ANKRD28: variants seen among roughly 807,000 people sequenced by gnomAD.
The protein encoded by ANKRD28 is serine/threonine-protein phosphatase 6 regulatory ankyrin repeat subunit A.
In ANKRD28, 44 loss-of-function variants were observed where a neutral mutation model predicts 126.5. The observed-to-expected ratio is 0.35, with a 90% CI of 0.27 to 0.45. ANKRD28 has a LOEUF of 0.45. Ranked by LOEUF, ANKRD28 falls within the 20% of genes least tolerant of loss-of-function variation. The probability of loss-of-function intolerance (pLI) is 1.00; values close to 1 mark genes in which losing one functional copy is unlikely to be tolerated. For missense variants in ANKRD28, 1,110 were observed against 1,316.6 expected, an observed-to-expected ratio of 0.84 and a Z score of 2.43; for synonymous variants, 442 against 468.5, an observed-to-expected ratio of 0.94 and a Z score of 0.73.
chr3:15,832,134 G>A (rs758845236), intron 1 of ANKRD28, among the ~76,000 whole-genome samples: 1 of 152,158 alleles, frequency 6.6e-6, no homozygotes, highest in Non-Finnish European at 1.5e-5. Context: ...CATTCCAGTA[G>A]AGTGAGACAT....
At chr3:15,827,063 G>C (rs1368489063) in intron 1 of ANKRD28, among the ~76,000 whole-genome samples, 1 of 152,090 alleles carries the variant, frequency 6.6e-6, no homozygotes, top group Non-Finnish European at 1.5e-5. Context: ...AAAACCATGA[G>C]ATATCATCTC....
intron 1 of ANKRD28, among the ~76,000 whole-genome samples, chr3:15,850,018 G>C (rs2061604253): frequency 6.6e-6 from 1 of 151,412 alleles, no homozygotes; most frequent in Admixed American, 6.6e-5. Context: ...AGACAGCATG[G>C]TACTGGCATG....
intron 18 of ANKRD28, 95 bp from the exon 19 acceptor site, chr3:15,686,404 G>C: frequency 2.0e-6 from 2 of 1,010,640 alleles, no homozygotes; most frequent in Non-Finnish European, 2.9e-6. Flanking sequence ...TTACTTTTGG[G>C]ATAGTTGCAC....
chr3:15,694,597 G>A, intron 17 of ANKRD28, 142 bp downstream of exon 17: 11 of 494,624 alleles, frequency 2.2e-5, no homozygotes, highest in South Asian at 5.9e-5. Flanking sequence ...CTGAATTAAA[G>A]AAAGTTCTCA....
At chr3:15,850,262 G>GAGAGAT (rs1179512677) in intron 1 of ANKRD28, among the ~76,000 whole-genome samples, 7 of 135,064 alleles carry the variant, frequency 5.2e-5, no homozygotes, top group African/African-American at 2.0e-4. Flanking sequence ...GAGAGAGAGA[G>GAGAGAT]AAAGTTGAAA....
intron 1 of ANKRD28, among the ~76,000 whole-genome samples, chr3:15,809,798 A>G (rs773041223): frequency 8.5e-5 from 13 of 152,230 alleles, no homozygotes; most frequent in Non-Finnish European, 1.8e-4. Flanking sequence ...AATGTTGTCT[A>G]CTTTTATTTA....
In ANKRD28 at chr3:15,756,930, A is replaced by T. The variant is rs538097460; in HGVS notation, c.281-5110T>A. Among the ~76,000 whole-genome samples, 4 of 152,282 alleles carry T rather than the reference A, an allele frequency of 2.6e-5. No individual in the cohort carries two copies. The East Asian group carries it at 7.7e-4, about 29-fold the overall frequency. Reference sequence around the variant, plus strand: ...TCCAATTCTTTGATTTTTGAACCTCAATTACAGCTGACCCTTAAACAACAC... The same window carrying T: ...TCCAATTCTTTGATTTTTGAACCTCTATTACAGCTGACCCTTAAACAACAC... On this transcript the variant is annotated intron_variant, in intron 3 of 27. Transcript: ENST00000683139.
chr3:15,804,018 TAA>T (rs1286024996), intron 1 of ANKRD28, among the ~76,000 whole-genome samples: 2 of 145,444 alleles, frequency 1.4e-5, no homozygotes, highest in Admixed American at 6.8e-5. Flanking sequence ...TGAAATTATC[TAA>T]AAGTCTTTTG....
At chr3:15,740,287 G>A (rs2075357959) in intron 4 of ANKRD28, among the ~76,000 whole-genome samples, 1 of 152,310 alleles carries the variant, frequency 6.6e-6, no homozygotes, top group South Asian at 2.1e-4. Context: ...TCTATATCTT[G>A]ACTGGGATAA....
rs1297466076 is a variant in ANKRD28 at position 15,853,183 on chromosome 3, T to G, written c.27+6194A>C. On this transcript the variant is annotated intron_variant, in intron 1 of 27. Coordinates refer to the ANKRD28 transcript ENST00000399451. The surrounding 1 kb of genome is among the most constrained non-coding windows in gnomAD (Gnocchi z 4.2). ...ACTAATAATTTCATTAATTTTGGCT[T>G]TAAATTTAAGGTATTACTTTGTTAC... is the stretch of plus-strand genomic sequence containing the variant. 1.3e-5 allele frequency among the ~76,000 whole-genome samples: 2 copies of G among 152,208 alleles called. No homozygotes were observed. The highest frequency in any genetic ancestry group is 4.8e-5 in the African/African-American group (2 of 41,452).
intron 20 of ANKRD28, among the ~76,000 whole-genome samples, 175 bp from the exon 21 acceptor site, chr3:15,685,620 T>C (rs2068019381): frequency 6.6e-6 from 1 of 152,152 alleles, no homozygotes; most frequent in African/African-American, 2.4e-5. Context: ...AAAATTCAGT[T>C]AAAGCAAGAA....
chr3:15,729,400 A>T (rs187428527), intron 6 of ANKRD28, among the ~76,000 whole-genome samples: 10 of 152,224 alleles, frequency 6.6e-5, no homozygotes, highest in East Asian at 3.9e-4. Flanking sequence ...TTCCTGACCA[A>T]CCCAATCAAC....
At chr3:15,824,191 T>A (rs1052913674) in intron 1 of ANKRD28, among the ~76,000 whole-genome samples, 1 of 152,222 alleles carries the variant, frequency 6.6e-6, no homozygotes, top group African/African-American at 2.4e-5. Context: ...TTCTTTGAGA[T>A]TGGGTCTCAT....
intron 1 of ANKRD28, among the ~76,000 whole-genome samples, chr3:15,848,929 C>T (rs1387870910): frequency 6.6e-6 from 1 of 152,020 alleles, no homozygotes; most frequent in African/African-American, 2.4e-5. Flanking sequence ...TATCTCTAGT[C>T]ACGGAAAATT....
chr3:15,742,590 C>G (rs1207545486), intron 4 of ANKRD28, among the ~76,000 whole-genome samples: 1 of 61,526 alleles, frequency 1.6e-5, no homozygotes, highest in African/African-American at 7.0e-5. Context: ...GCAGCCACCC[C>G]ATCCGGGAGG....
intron 6 of ANKRD28, among the ~76,000 whole-genome samples, chr3:15,735,126 C>T (rs938671553): frequency 2.0e-5 from 3 of 152,074 alleles, no homozygotes. Flanking sequence ...TAAGAATGGG[C>T]TTTAGTAAAC....
At chr3:15,836,391 A>G (rs2061326719) in intron 1 of ANKRD28, among the ~76,000 whole-genome samples, 1 of 152,142 alleles carries the variant, frequency 6.6e-6, no homozygotes, top group Non-Finnish European at 1.5e-5. Context: ...CAAATAAAAA[A>G]TAGAAAATAG....
At chr3:15,824,357 C>T (rs943763262) in intron 1 of ANKRD28, among the ~76,000 whole-genome samples, 3 of 152,102 alleles carry the variant, frequency 2.0e-5, no homozygotes, top group East Asian at 1.9e-4. Context: ...CATTTCACCA[C>T]GTTGCCCAGG....
intron 4 of ANKRD28, among the ~76,000 whole-genome samples, chr3:15,743,676 C>A (rs1254830545): frequency 6.6e-6 from 1 of 151,786 alleles, no homozygotes; most frequent in Non-Finnish European, 1.5e-5. Flanking sequence ...CAGAGCTGAA[C>A]TATATGCTAC....
Sources: gnomAD v4.1 joint callset for allele counts (sites outside exome capture counted in the v4.1 genomes callset) on GRCh38, gnomAD v4.1.1 for gene constraint, Gnocchi (gnomAD v3.1) non-coding constraint, MANE v1.5 for transcripts, NCBI Gene and HGNC (gene_info 2026-07-23, HGNC 2026-07-21) for gene names.